The following RYR3 variants were observed in gnomAD, a reference collection of about 807,000 sequenced individuals.
The protein encoded by RYR3 is ryanodine receptor 3, also known as brain ryanodine receptor-calcium release channel.
RYR3 carries 207 observed loss-of-function variants against 584.3 expected under a neutral mutation model. That is an observed-to-expected ratio of 0.35 (90% CI 0.32 to 0.40). RYR3 has a LOEUF of 0.40. RYR3 is among the 10% of genes least tolerant of loss of function. RYR3 has a pLI of 1.00. For missense variants in RYR3, 5,616 were observed against 6,089.2 expected (o/e 0.92, Z 2.59); for synonymous variants, 2,416 against 2,248.5 (o/e 1.07, Z -2.11).
At chr15:33,582,194 A>G (rs1039899439) in intron 14 of RYR3, among the ~76,000 whole-genome samples, 1 of 152,206 alleles carries the variant, frequency 6.6e-6, no homozygotes, top group African/African-American at 2.4e-5. Flanking sequence ...GTTCCATCCA[A>G]TAGGCCTAGG....
chr15:33,422,484 T>C (rs1270990090), intron 1 of RYR3, among the ~76,000 whole-genome samples: 1 of 152,186 alleles, frequency 6.6e-6, no homozygotes, highest in East Asian at 1.9e-4. Flanking sequence ...AATATTGTGA[T>C]TGCCATTGCA....
intron 4 of RYR3, among the ~76,000 whole-genome samples, chr15:33,532,233 G>T (rs1023192307): frequency 1.3e-5 from 2 of 152,162 alleles, no homozygotes; most frequent in East Asian, 3.9e-4. Context: ...CAGTGAAGGA[G>T]GCCATGGGAT....
intron 1 of RYR3, among the ~76,000 whole-genome samples, chr15:33,340,057 TC>T (rs943296847): frequency 2.0e-5 from 3 of 152,168 alleles, no homozygotes. Flanking sequence ...CCACTGCCCT[TC>T]CTACAGACCC....
intron 19 of RYR3, among the ~76,000 whole-genome samples, chr15:33,621,413 G>T (rs115367017): frequency 0.013 from 1,965 of 152,250 alleles, 47 homozygotes; most frequent in African/African-American, 0.045. Flanking sequence ...CCATATGTCA[G>T]TACACAATCT....
chr15:33,408,238 A>G (rs1325149027), intron 1 of RYR3, among the ~76,000 whole-genome samples: 1 of 152,186 alleles, frequency 6.6e-6, no homozygotes, highest in Non-Finnish European at 1.5e-5. Flanking sequence ...GCTGACACTT[A>G]TAAGTGAGAA....
chr15:33,752,546 T>C (rs569661401), intron 57 of RYR3, among the ~76,000 whole-genome samples: 2 of 152,300 alleles, frequency 1.3e-5, no homozygotes, highest in East Asian at 3.9e-4. Flanking sequence ...TTTATTGGTG[T>C]ATAGGAATGC....
At chr15:33,791,519 G>A (rs753024560) in intron 67 of RYR3, among the ~76,000 whole-genome samples, 7 of 152,186 alleles carry the variant, frequency 4.6e-5, no homozygotes, top group Middle Eastern at 3.2e-3. Flanking sequence ...GAGGTTTGAA[G>A]AGTAAAGAGA....
Position 33,311,146 on chromosome 15 carries a change from G to A in RYR3, c.51+50G>A, listed in dbSNP as rs527271381. The stretch of plus-strand genomic sequence containing the variant: ...GCCGTGGGCAGGTGGGGAGGAGCGC[G>A]GAGCGCGGCGAGGAGGGGCTGGCTG... On this transcript the variant is annotated intron_variant, in intron 1 of 103. Coordinates refer to ENST00000634891, the MANE Select transcript of RYR3 (RefSeq NM_001036.6). This position sits in a 1 kb window ranked among gnomAD's most constrained non-coding sequence, Gnocchi z 4.4. 1.9e-5 allele frequency: 27 copies of A among 1,446,928 alleles called. No homozygotes were observed. Among genetic ancestry groups the A allele is most frequent in the South Asian group, 2.7e-5 (2 of 75,376 alleles). 89.6% of individuals were successfully genotyped at this position (1,446,928 alleles called of 1,614,324 possible).
chr15:33,754,993 T>G, intron 57 of RYR3, 72 bp from the exon 58 acceptor site: 1 of 783,070 alleles, frequency 1.3e-6, no homozygotes, highest in South Asian at 1.5e-5. Flanking sequence ...TCAACACTGG[T>G]AGGACTGGTG....
chr15:33,417,704 G>A (rs184286714), intron 1 of RYR3, among the ~76,000 whole-genome samples: 85 of 152,224 alleles, frequency 5.6e-4, no homozygotes, highest in Non-Finnish European at 9.7e-4. Flanking sequence ...GCTCTGGCTA[G>A]GACTTCCAGT....
intron 1 of RYR3, among the ~76,000 whole-genome samples, chr15:33,389,404 CAG>C (rs1444907733): frequency 1.7e-4 from 26 of 152,194 alleles, no homozygotes; most frequent in African/African-American, 3.9e-4. Context: ...AAATTAAAAA[CAG>C]GGACATTTAA....
intron 1 of RYR3, among the ~76,000 whole-genome samples, chr15:33,373,983 G>A (rs1447719320): frequency 6.6e-6 from 1 of 152,126 alleles, no homozygotes; most frequent in Non-Finnish European, 1.5e-5. Context: ...CTTATTTTAG[G>A]TGATGGTTTA....
intron 31 of RYR3, among the ~76,000 whole-genome samples, chr15:33,650,378 AAAAAAT>A (rs1297487646): frequency 2.0e-5 from 3 of 152,184 alleles, no homozygotes; most frequent in Non-Finnish European, 2.9e-5. Context: ...TCTGTCTCAA[AAAAAAT>A]AAAAATAAAA....
chr15:33,562,903 A>G lies in RYR3; in HGVS notation c.1039A>G (p.Lys347Glu). 2 of 1,613,650 alleles carry G rather than the reference A, an allele frequency of 1.2e-6. No individual in the cohort carries two copies. The highest frequency in any genetic ancestry group is 1.7e-6 in the Non-Finnish European group (2 of 1,179,568). The change falls in exon 11 of 104, where the codon AAG (lysine) becomes GAG (glutamate). Residue 347 changes from lysine to glutamate, a missense_variant. By Grantham distance (56) the Lys-to-Glu change is moderately conservative. Transcript: ENST00000634891. ...DIEGMGVPEI[K>E]YGDSVCFVQH... ...AGAAGGCATGGGAGTTCCAGAAATC[A>G]AGTATGGAGATTCTGTCTGCTTTGT...
At chr15:33,321,687 C>T (rs565013820) in intron 1 of RYR3, among the ~76,000 whole-genome samples, 15 of 152,110 alleles carry the variant, frequency 9.9e-5, no homozygotes, top group African/African-American at 1.4e-4. Context: ...ACTTAATAGA[C>T]GGGAAATTTA....
rs1198008670 is a variant in RYR3 at position 33,601,415 on chromosome 15, G to T, written c.1789-4G>T. ...TAAGGTTTGGTGGGTGTGTCCTGCTGCAGGTTCTGGATATCCTGTGCTCCC... is the reference window on the plus strand; with the variant it reads ...TAAGGTTTGGTGGGTGTGTCCTGCTTCAGGTTCTGGATATCCTGTGCTCCC... On this transcript the variant is annotated splice_region_variant and splice_polypyrimidine_tract_variant and intron_variant, in intron 16 of 103. Coordinates refer to ENST00000634891, the MANE Select transcript of RYR3 (RefSeq NM_001036.6). The T allele has an allele frequency of 1.2e-6, 2 of 1,611,616 alleles. No individual in the cohort carries two copies. The highest frequency in any genetic ancestry group is 2.7e-5 in the African/African-American group (2 of 74,874).
chr15:33,415,904 C>A (rs963266725), intron 1 of RYR3, among the ~76,000 whole-genome samples: 2 of 152,066 alleles, frequency 1.3e-5, no homozygotes, highest in African/African-American at 4.8e-5. Flanking sequence ...GTTCATTGTT[C>A]CCATCTTTGC....
chr15:33,830,678 A>T (rs1184412318), intron 85 of RYR3: 1 of 250,344 alleles, frequency 4.0e-6, no homozygotes, highest in African/African-American at 2.2e-5. Context: ...GATAATTACC[A>T]TTATCTTCAC....
At chr15:33,781,861 G>T (rs957516490) in intron 65 of RYR3, among the ~76,000 whole-genome samples, 4 of 146,856 alleles carry the variant, frequency 2.7e-5, no homozygotes, top group African/African-American at 8.0e-5. Flanking sequence ...AAAAAAAAAG[G>T]GGGGGGGGAT....
Sources: allele counts gnomAD v4.1 joint callset (sites outside exome capture counted in the v4.1 genomes callset), GRCh38; gene constraint gnomAD v4.1.1; non-coding constraint Gnocchi (gnomAD v3.1); transcripts MANE v1.5; gene names NCBI Gene and HGNC (gene_info 2026-07-23, HGNC 2026-07-21).